The following CSMD1 variants were observed in gnomAD, a reference collection of about 807,000 sequenced individuals.
CSMD1 encodes the protein CUB and sushi domain-containing protein 1.
A neutral mutation model predicts 417.5 loss-of-function variants in CSMD1; 213 were observed. That is an observed-to-expected ratio of 0.51 (90% CI 0.46 to 0.57). The LOEUF (loss-of-function observed/expected upper bound fraction) is 0.57. CSMD1 is among the 20% of genes least tolerant of loss of function. The pLI is 0.00. For missense variants in CSMD1, 6,923 were observed against 4,529.7 expected (o/e 1.53, Z -15.17); for synonymous variants, 2,862 against 1,736.8 (o/e 1.65, Z -16.11).
At chr8:3,074,014 G>A (rs1585281156) in intron 49 of CSMD1, among the ~76,000 whole-genome samples, 3 of 152,218 alleles carry the variant, frequency 2.0e-5, no homozygotes, top group Admixed American at 6.5e-5. Context: ...AGGTACGGGC[G>A]TGGCCTCACC....
At chr8:3,612,319 A>C (rs1191878308) in intron 8 of CSMD1, among the ~76,000 whole-genome samples, 1 of 152,128 alleles carries the variant, frequency 6.6e-6, no homozygotes, top group African/African-American at 2.4e-5. Context: ...AAAACTGATA[A>C]AGCTGCAATG....
At chr8:4,121,603 T>G (rs572229372) in intron 3 of CSMD1, among the ~76,000 whole-genome samples, 1 of 145,422 alleles carries the variant, frequency 6.9e-6, no homozygotes, top group Non-Finnish European at 1.5e-5. Flanking sequence ...GTAAATCATG[T>G]GCATAAACAC....
chr8:4,272,821 G>T (rs151069440), intron 3 of CSMD1, among the ~76,000 whole-genome samples: 1 of 152,090 alleles, frequency 6.6e-6, no homozygotes, highest in Non-Finnish European at 1.5e-5. Context: ...ATATACCTTT[G>T]CTTGTATCAG....
chr8:3,821,314 T>G (rs749880932), intron 5 of CSMD1, among the ~76,000 whole-genome samples: 19 of 152,182 alleles, frequency 1.2e-4, no homozygotes, highest in Non-Finnish European at 2.6e-4. Context: ...ATTATTATTC[T>G]CAAGTATTAT....
chr8:3,712,107 T>G (rs1801542426), intron 6 of CSMD1, among the ~76,000 whole-genome samples: 1 of 152,188 alleles, frequency 6.6e-6, no homozygotes, highest in Admixed American at 6.5e-5. Context: ...AACAAGACAG[T>G]GTTATACTGA....
At chr8:4,471,305 A>T (rs1305880101) in intron 2 of CSMD1, among the ~76,000 whole-genome samples, 1 of 152,218 alleles carries the variant, frequency 6.6e-6, no homozygotes, top group Non-Finnish European at 1.5e-5. Context: ...ACAGGTTGGT[A>T]AAAAGCTGGA....
chr8:4,002,570 G>A (rs1017117037), intron 4 of CSMD1, among the ~76,000 whole-genome samples: 3 of 152,094 alleles, frequency 2.0e-5, no homozygotes, highest in African/African-American at 7.2e-5. Context: ...CTTAATTTTT[G>A]ATATAATATT....
chr8:4,029,322 C>G (rs899283032), intron 4 of CSMD1, among the ~76,000 whole-genome samples: 2 of 152,026 alleles, frequency 1.3e-5, no homozygotes, highest in African/African-American at 2.4e-5. Flanking sequence ...TAATGCATAC[C>G]CAAGAATGGG....
intron 2 of CSMD1, among the ~76,000 whole-genome samples, chr8:4,533,253 T>G (rs111843188): frequency 6.9e-4 from 105 of 152,326 alleles, no homozygotes; most frequent in African/African-American, 2.5e-3. Context: ...AGCAAGACTT[T>G]GGTAGAGACG....
intron 4 of CSMD1, among the ~76,000 whole-genome samples, chr8:4,003,062 G>A (rs1815818656): frequency 6.6e-6 from 1 of 152,068 alleles, no homozygotes; most frequent in Non-Finnish European, 1.5e-5. Flanking sequence ...AACACAGCAG[G>A]GGGATATTAT....
At chr8:3,447,669 G>C (rs984634035) in intron 12 of CSMD1, among the ~76,000 whole-genome samples, 6 of 152,160 alleles carry the variant, frequency 3.9e-5, no homozygotes, top group African/African-American at 7.2e-5. Context: ...TATTTCTCCT[G>C]GTTGGAAGGG....
chr8:4,305,646 G>A (rs985497310), intron 3 of CSMD1, among the ~76,000 whole-genome samples: 2 of 152,134 alleles, frequency 1.3e-5, no homozygotes, highest in South Asian at 2.1e-4. Flanking sequence ...ACTCAAAAAG[G>A]CATAACATCC....
At position 4,428,562 on chromosome 8, in the gene CSMD1, T is replaced by C. The variant is rs960418373; in HGVS notation, c.303-8497A>G. Among the ~76,000 whole-genome samples, 6 of 152,160 alleles carry C rather than the reference T, an allele frequency of 3.9e-5. No homozygotes were observed. The Middle Eastern group carries it at 9.5e-3, about 241-fold the overall frequency. ...TATGTTAACATGTATTTTCCTACAA[T>C]AAACTTGCAACTTACCTTATGACAC... On this transcript the variant is annotated intron_variant, in intron 2 of 69. Coordinates refer to ENST00000635120, the MANE Select transcript of CSMD1 (RefSeq NM_033225.6).
intron 28 of CSMD1, 101 bp from the exon 29 acceptor site, chr8:3,219,543 A>G: frequency 1.1e-6 from 1 of 871,130 alleles, no homozygotes; most frequent in Non-Finnish European, 1.6e-6. Flanking sequence ...TTGCTTTTGT[A>G]TAATGATTTT....
chr8:4,506,986 G>A lies in CSMD1; in HGVS notation c.303-86921C>T, dbSNP rs903013943. On this transcript the variant is annotated intron_variant, in intron 2 of 69. Transcript: ENST00000635120. ...TTTTTTTCATAAACAAAATTGAATC[G>A]GTGAAGGAATTCCTAAGAATGCTTT... is the stretch of plus-strand genomic sequence containing the variant. Among the ~76,000 whole-genome samples, 9 of 151,940 alleles carry A rather than the reference G, an allele frequency of 5.9e-5. 1 individual carries two copies. The highest frequency in any genetic ancestry group is 4.1e-4 in the South Asian group (2 of 4,824).
intron 2 of CSMD1, among the ~76,000 whole-genome samples, chr8:4,488,722 G>T (rs995183535): frequency 3.0e-4 from 45 of 152,110 alleles, no homozygotes; most frequent in African/African-American, 1.1e-3. Flanking sequence ...GCATCTGTCA[G>T]CATCCCCAGC....
chr8:3,711,627 G>T (rs79694003), intron 6 of CSMD1, among the ~76,000 whole-genome samples: 2 of 152,260 alleles, frequency 1.3e-5, no homozygotes, highest in South Asian at 4.2e-4. Flanking sequence ...AAATATCACA[G>T]GAAAGGGAAC....
At chr8:3,845,280 G>A (rs539840101) in intron 5 of CSMD1, among the ~76,000 whole-genome samples, 1 of 152,302 alleles carries the variant, frequency 6.6e-6, no homozygotes, top group East Asian at 1.9e-4. Context: ...AAATATCGTA[G>A]AGTGAACTCA....
At chr8:2,968,819 T>C (rs569964577) in intron 57 of CSMD1, among the ~76,000 whole-genome samples, 11 of 152,302 alleles carry the variant, frequency 7.2e-5, no homozygotes, top group South Asian at 6.2e-4. Flanking sequence ...AGTTTAAACT[T>C]TGCCATATTT....
Sources: gnomAD v4.1 joint callset for allele counts (sites outside exome capture counted in the v4.1 genomes callset) on GRCh38, gnomAD v4.1.1 for gene constraint, MANE v1.5 for transcripts, NCBI Gene and HGNC (gene_info 2026-07-23, HGNC 2026-07-21) for gene names.